The following SLC25A18 variants were observed in gnomAD, a reference collection of about 807,000 sequenced individuals.
SLC25A18 encodes the protein mitochondrial glutamate carrier 2.
In SLC25A18, 24 loss-of-function variants were observed where a neutral mutation model predicts 31.1. The ratio of observed to expected loss-of-function variants is 0.77; its 90% CI spans 0.56 to 1.08. The LOEUF (loss-of-function observed/expected upper bound fraction) is 1.08. SLC25A18 is among the 50% of genes least tolerant of loss of function. The probability of loss-of-function intolerance (pLI) is 0.00; values close to 1 mark genes in which losing one functional copy is unlikely to be tolerated. For missense variants in SLC25A18, 371 were observed against 418.5 expected, an observed-to-expected ratio of 0.89 and a Z score of 0.99; for synonymous variants, 173 against 161.9, an observed-to-expected ratio of 1.07 and a Z score of -0.52.
intron 1 of SLC25A18, 29 bp from the exon 2 acceptor site, chr22:17,569,895 C>G: frequency 1.0e-6 from 1 of 985,534 alleles, no homozygotes; most frequent in Non-Finnish European, 1.2e-6. Context: ...TCCAAGCTGG[C>G]TGACACTGAA....
intron 7 of SLC25A18, 81 bp from the exon 8 acceptor site, chr22:17,587,055 C>T (rs905190587): frequency 3.7e-5 from 56 of 1,499,146 alleles, no homozygotes; most frequent in Non-Finnish European, 4.5e-5. Context: ...GTCCCAGGGG[C>T]AGGGATTGAG....
intron 2 of SLC25A18, 144 bp downstream of exon 2, chr22:17,570,130 G>GTGCC: frequency 4.1e-6 from 2 of 489,120 alleles, no homozygotes; most frequent in Non-Finnish European, 5.3e-6. Flanking sequence ...GAAGGGGTGG[G>GTGCC]CACGAGGAAG....
chr22:17,567,391 A>T (rs1439083124), intron 1 of SLC25A18, among the ~76,000 whole-genome samples: 2 of 152,090 alleles, frequency 1.3e-5, no homozygotes, highest in Non-Finnish European at 2.9e-5. Flanking sequence ...CTCATTTCAG[A>T]TTAATTACAA....
In SLC25A18 at chr22:17,579,832, C is replaced by T; in HGVS notation, c.-113C>T. 6.6e-7 allele frequency: 1 copy of T among 1,506,018 alleles called. No individual in the cohort carries two copies. Among genetic ancestry groups the T allele is most frequent in the East Asian group, 2.5e-5 (1 of 40,488 alleles). The allele number at this position is 1,506,018 out of a possible 1,614,324, so 93.3% of individuals were successfully genotyped here. A position where few individuals can be genotyped will look rare whatever the true frequency, so the allele number is the denominator to read the frequency against. On this transcript the variant is annotated 5_prime_UTR_variant, in exon 3 of 11. Coordinates refer to ENST00000327451, the MANE Select transcript of SLC25A18 (RefSeq NM_031481.3). ...ACTCAAAACCCGTGCTCTGTCCACACTGCTACGGGGCCAGAGCCAAGGAAG... is the reference window on the plus strand; with the variant it reads ...ACTCAAAACCCGTGCTCTGTCCACATTGCTACGGGGCCAGAGCCAAGGAAG...
Position 17,581,042 on chromosome 22 carries a change from C to A in SLC25A18, c.26C>A (p.Thr9Lys). MTHQDLSI[T>K]AKLINGGVAG... ...CTGTCCTCCCCCTGTCCTAGCATCA[C>A]AGCCAAACTCATCAATGGAGGTGTA... Residue 9 changes from threonine to lysine, a missense_variant, in exon 4 of 11, where the codon ACA becomes AAA. Transcript: ENST00000327451. The A allele has an allele frequency of 6.4e-7, 1 of 1,551,626 alleles. No homozygotes were observed. Among genetic ancestry groups the A allele is most frequent in the Non-Finnish European group, 8.7e-7 (1 of 1,146,564 alleles).
At chr22:17,583,682 G>A (rs1601327426) in intron 7 of SLC25A18, 148 bp downstream of exon 7, 1 of 1,110,270 alleles carries the variant, frequency 9.0e-7, no homozygotes, top group Non-Finnish European at 1.3e-6. Context: ...GGTGGCTCAT[G>A]CCTGTAATCC....
intron 7 of SLC25A18, among the ~76,000 whole-genome samples, chr22:17,584,701 AC>A (rs2057488830): frequency 6.9e-6 from 1 of 145,756 alleles, no homozygotes; most frequent in African/African-American, 2.6e-5. Flanking sequence ...AATCGCTTGA[AC>A]ACAGGAGGCA....
chr22:17,579,623 G>C, intron 2 of SLC25A18, 122 bp from the exon 3 acceptor site: 1 of 731,026 alleles, frequency 1.4e-6, no homozygotes. Context: ...ATTCTGATTT[G>C]AATCCCAAAG....
At chr22:17,569,554 GT>G in intron 1 of SLC25A18, 2 of 952,570 alleles carry the variant, frequency 2.1e-6, no homozygotes, top group Non-Finnish European at 2.5e-6. Flanking sequence ...TTGCAAAAGT[GT>G]TTGCGTTGCA....
intron 2 of SLC25A18, among the ~76,000 whole-genome samples, chr22:17,576,354 AAAAAAAAAAAG>A (rs2057229271): frequency 7.1e-6 from 1 of 140,074 alleles, no homozygotes; most frequent in South Asian, 2.1e-4. Flanking sequence ...ACTCCGTCTC[AAAAAAAAAAAG>A]AAAAAAAAAA....
At chr22:17,585,650 A>ATTATTATTTTTT (rs1555951983) in intron 7 of SLC25A18, among the ~76,000 whole-genome samples, 1 of 137,224 alleles carries the variant, frequency 7.3e-6, no homozygotes, top group African/African-American at 2.8e-5. Flanking sequence ...TATTATTATT[A>ATTATTATTTTTT]TTTTTTTTTT....
rs115749788 is a variant in SLC25A18 at position 17,571,333 on chromosome 22, T to C, written c.-201+1347T>C. ...GGAGTCAAGCCAAGGGAATGGGACGTTTTTAAACAGGAAGAACGAAAAGCT... is the reference window on the plus strand; with the variant it reads ...GGAGTCAAGCCAAGGGAATGGGACGCTTTTAAACAGGAAGAACGAAAAGCT... On this transcript the variant is annotated intron_variant, in intron 2 of 10. Coordinates refer to ENST00000327451, the MANE Select transcript of SLC25A18 (RefSeq NM_031481.3). 9.0e-3 allele frequency among the ~76,000 whole-genome samples: 1,369 copies of C among 152,174 alleles called. 22 individuals carry two copies. The highest frequency in any genetic ancestry group is 0.031 in the African/African-American group (1,283 of 41,518).
chr22:17,587,413 G>GTT, intron 8 of SLC25A18, 112 bp downstream of exon 8: 1 of 1,330,656 alleles, frequency 7.5e-7, no homozygotes, highest in Non-Finnish European at 1.0e-6. Context: ...CCAAACCCAG[G>GTT]TGAGCAAACG....
intron 9 of SLC25A18, chr22:17,588,368 T>C (rs8138125): frequency 0.038 from 12,715 of 330,940 alleles, 1,552 homozygotes; most frequent in African/African-American, 0.26. Flanking sequence ...TGGGGCTGGC[T>C]GGGTGTGGTG....
At chr22:17,565,581 T>A (rs1335958210) in intron 1 of SLC25A18, among the ~76,000 whole-genome samples, 4 of 151,652 alleles carry the variant, frequency 2.6e-5, no homozygotes, top group East Asian at 2.0e-4. Flanking sequence ...TTTAAAAAAA[T>A]TTTTGGACAG....
intron 2 of SLC25A18, among the ~76,000 whole-genome samples, chr22:17,572,887 C>T (rs747922727): frequency 7.2e-5 from 11 of 152,106 alleles, no homozygotes; most frequent in African/African-American, 1.7e-4. Flanking sequence ...GTGATCCGCC[C>T]GCCTCGGCCT....
At chr22:17,581,498 G>A in intron 5 of SLC25A18, 85 bp downstream of exon 5, 3 of 1,489,714 alleles carry the variant, frequency 2.0e-6, no homozygotes, top group East Asian at 4.5e-5. Context: ...CCGTTGCTGC[G>A]GGGATGGGGC....
At chr22:17,564,198 A>G (rs987197380) in intron 1 of SLC25A18, among the ~76,000 whole-genome samples, 1 of 152,114 alleles carries the variant, frequency 6.6e-6, no homozygotes, top group Non-Finnish European at 1.5e-5. Flanking sequence ...ATCTGCAGAA[A>G]CTGCAGCTTG....
Position 17,590,462 on chromosome 22 carries a change from G to T in SLC25A18, c.*226G>T. ...TCCTTTGTGGGCACAGCTACCAGGG[G>T]CTTTTGGAAGCCCCTAACCACCTAC... On this transcript the variant is annotated 3_prime_UTR_variant, in exon 11 of 11. Transcript: ENST00000327451. 2.1e-6 allele frequency: 1 copy of T among 479,536 alleles called. No homozygotes were observed. Among genetic ancestry groups the T allele is most frequent in the Non-Finnish European group, 3.6e-6 (1 of 274,800 alleles). 29.7% of individuals were successfully genotyped at this position (479,536 alleles called of 1,614,324 possible). A position where few individuals can be genotyped will look rare whatever the true frequency, so the allele number is the denominator to read the frequency against.
Sources: gnomAD v4.1 joint callset for allele counts (sites outside exome capture counted in the v4.1 genomes callset) on GRCh38, gnomAD v4.1.1 for gene constraint, MANE v1.5 for transcripts, NCBI Gene and HGNC (gene_info 2026-07-23, HGNC 2026-07-21) for gene names.